CD109: variants seen among roughly 807,000 people sequenced by gnomAD.
The protein encoded by CD109 is CD109 molecule, also known as CD109 antigen.
Under a neutral mutation model 165.8 loss-of-function variants are expected in CD109, and 149 were observed. That is an observed-to-expected ratio of 0.90 (90% confidence interval 0.79 to 1.03). CD109 has a LOEUF of 1.03. Among genes scored for constraint, CD109 ranks in the 50% least tolerant of loss-of-function variants. CD109 has a pLI of 0.00. For synonymous variants in CD109, 585 were observed against 592.1 expected, an observed-to-expected ratio of 0.99 and a Z score of 0.18; for missense variants, 1,712 against 1,677.8, an observed-to-expected ratio of 1.02 and a Z score of -0.36.
intron 32 of CD109, among the ~76,000 whole-genome samples, chr6:73,822,011 A>T (rs1322923553): frequency 6.6e-6 from 1 of 152,230 alleles, no homozygotes; most frequent in Admixed American, 6.5e-5. Flanking sequence ...CTTACACTTG[A>T]TAACAGATTT....
chr6:73,729,880 CAT>C (rs977793513), intron 3 of CD109, among the ~76,000 whole-genome samples: 43 of 152,162 alleles, frequency 2.8e-4, no homozygotes, highest in African/African-American at 9.9e-4. Context: ...GACTATGACA[CAT>C]ATGCGCAAGA....
chr6:73,686,311 C>T, the CD109 span, among the ~76,000 whole-genome samples: 1 of 152,166 alleles, frequency 6.6e-6, no homozygotes, highest in East Asian at 1.9e-4. Context: ...GATGTCCTCT[C>T]TATTTTTCCT....
At chr6:73,684,472 C>CA in the CD109 span, among the ~76,000 whole-genome samples, 1 of 152,060 alleles carries the variant, frequency 6.6e-6, no homozygotes, top group Non-Finnish European at 1.5e-5. Flanking sequence ...TCACCTGCCT[C>CA]AGCCTCCCAA....
chr6:73,811,865 A>C (rs1222052953), intron 28 of CD109, among the ~76,000 whole-genome samples: 2 of 152,144 alleles, frequency 1.3e-5, no homozygotes, highest in Admixed American at 6.6e-5. Context: ...TGGGAGAGCC[A>C]GGGGATTAGG....
intron 31 of CD109, among the ~76,000 whole-genome samples, chr6:73,819,265 T>G (rs1042072003): frequency 6.6e-6 from 1 of 152,236 alleles, no homozygotes; most frequent in Admixed American, 6.5e-5. Flanking sequence ...AGAGATTTGA[T>G]CTTGACATAG....
chr6:73,704,552 C>T (rs1429386408), intron 2 of CD109, among the ~76,000 whole-genome samples: 1 of 152,188 alleles, frequency 6.6e-6, no homozygotes, highest in African/African-American at 2.4e-5. Context: ...TCTTCTAGCA[C>T]TGGATGAGTC....
chr6:73,696,923 A>T (rs73754656), intron 1 of CD109, among the ~76,000 whole-genome samples: 1 of 152,320 alleles, frequency 6.6e-6, no homozygotes, highest in African/African-American at 2.4e-5. Context: ...TGGTTAAATA[A>T]TTTTTTACCC....
Position 73,811,100 on chromosome 6 carries a change from A to G in CD109, c.3655A>G (p.Lys1219Glu), listed in dbSNP as rs1775742285. The G allele has an allele frequency of 6.2e-6, 10 of 1,613,252 alleles. No homozygotes were observed. Among genetic ancestry groups the G allele is most frequent in the Non-Finnish European group, 6.8e-6 (8 of 1,179,578 alleles). Residue 1219 changes from lysine (K) to glutamate (E), a missense_variant, in exon 28 of 33, where the codon AAG becomes GAG. Transcript: ENST00000287097. Reference sequence around the variant, plus strand: ...GGGGCCTAGCTCACCAAGTCCTGTAAAGTTTCTGATTGACACACACAACCG... The same window carrying G: ...GGGGCCTAGCTCACCAAGTCCTGTAGAGTTTCTGATTGACACACACAACCG... ...VTGPSSPSPV[K>E]FLIDTHNRLL...
intron 22 of CD109, among the ~76,000 whole-genome samples, chr6:73,791,182 C>CACATATATATATATATATAT (rs1562071050): frequency 3.9e-5 from 2 of 50,992 alleles, no homozygotes; most frequent in African/African-American, 2.1e-4. Context: ...TATATACACA[C>CACATATATATATATATATAT]ACACACATAC....
At chr6:73,727,979 T>C (rs1314350243) in intron 3 of CD109, among the ~76,000 whole-genome samples, 2 of 152,144 alleles carry the variant, frequency 1.3e-5, no homozygotes, top group Non-Finnish European at 2.9e-5. Flanking sequence ...TGGTTCATGT[T>C]GTATCCCAAG....
At chr6:73,797,571 G>T (rs536938438) in intron 23 of CD109, among the ~76,000 whole-genome samples, 1 of 105,076 alleles carries the variant, frequency 9.5e-6, no homozygotes, top group African/African-American at 4.3e-5. Flanking sequence ...TTAATACAGA[G>T]AATTTTTTTT....
rs1775585142 is a variant in CD109, at chr6:73,806,890, A to G, written c.3007A>G (p.Ile1003Val). The G allele has an allele frequency of 6.2e-7, 1 of 1,613,914 alleles. No homozygotes were observed. The highest frequency in any genetic ancestry group is 2.2e-5 in the East Asian group (1 of 44,848). ...LRCFLEADPY[I>V]DIDQNVLHRT... ...ATGTTTCCTTGAAGCCGATCCTTACATAGATATTGATCAGAATGTGTTACA... is the reference window on the plus strand; with the variant it reads ...ATGTTTCCTTGAAGCCGATCCTTACGTAGATATTGATCAGAATGTGTTACA... Residue 1003 changes from isoleucine to valine, a missense_variant, in exon 25 of 33, where the codon ATA becomes GTA. Transcript: ENST00000287097.
intron 3 of CD109, 37 bp from the exon 4 acceptor site, chr6:73,730,307 A>G: frequency 7.9e-7 from 1 of 1,265,574 alleles, no homozygotes. Flanking sequence ...GAGGTAAAAT[A>G]ATGAGACCTT....
chr6:73,802,305 A>ATATTTTTTTTTTT (rs1554183463), intron 23 of CD109, among the ~76,000 whole-genome samples: 1 of 47,608 alleles, frequency 2.1e-5, no homozygotes, highest in African/African-American at 8.5e-5. Flanking sequence ...ATATATATAT[A>ATATTTTTTTTTTT]TTTTTTTTTT....
chr6:73,696,986 T>G (rs751623624), intron 1 of CD109, among the ~76,000 whole-genome samples: 2 of 152,162 alleles, frequency 1.3e-5, no homozygotes, highest in African/African-American at 4.8e-5. Context: ...AGGCAAAATC[T>G]TAGTTAAAAA....
rs147611532 is a variant in CD109, at chr6:73,781,335, C to T, written c.1963+16C>T. On this transcript the variant is annotated intron_variant, in intron 17 of 32. Transcript: ENST00000287097. ...GATGGTGTTTGTAAGTAATACATGG[C>T]GACATGCTTGTATTTGTCTTTCACA... 1,097 of 1,597,614 alleles carry T rather than the reference C, an allele frequency of 6.9e-4. 1 individual carries two copies. The highest frequency in any genetic ancestry group is 1.8e-3 in the East Asian group (79 of 44,728).
chr6:73,763,331 C>T (rs1562052881), intron 9 of CD109, among the ~76,000 whole-genome samples: 1 of 152,118 alleles, frequency 6.6e-6, no homozygotes, highest in East Asian at 1.9e-4. Flanking sequence ...TTTCATTGGC[C>T]TTAATTTGCT....
chr6:73,726,523 C>G (rs1233926818), intron 3 of CD109, among the ~76,000 whole-genome samples: 8 of 152,190 alleles, frequency 5.3e-5, no homozygotes, highest in Admixed American at 4.6e-4. Flanking sequence ...TGGTAACTGG[C>G]ATTATTCCTG....
At chr6:73,758,413 T>C (rs1773482188) in intron 6 of CD109, among the ~76,000 whole-genome samples, 1 of 152,126 alleles carries the variant, frequency 6.6e-6, no homozygotes, top group Admixed American at 6.5e-5. Flanking sequence ...CGAGACGGAG[T>C]CTCACTGTGT....
Sources: gnomAD v4.1 joint callset for allele counts (sites outside exome capture counted in the v4.1 genomes callset) on GRCh38, gnomAD v4.1.1 for gene constraint, MANE v1.5 for transcripts, NCBI Gene and HGNC (gene_info 2026-07-23, HGNC 2026-07-21) for gene names.